Variants in EXT1 observed in about 807,000 individuals in gnomAD.
EXT1 encodes the protein exostosin glycosyltransferase 1.
Under a neutral mutation model 82.5 loss-of-function variants are expected in EXT1, and 20 were observed. That is an observed-to-expected ratio of 0.24 (90% CI 0.17 to 0.35). The LOEUF (loss-of-function observed/expected upper bound fraction) is 0.35, where lower values mean the gene tolerates loss of function less well. Ranked by LOEUF, EXT1 falls within the 10% of genes least tolerant of loss-of-function variation. The pLI is 1.00. For missense variants in EXT1, 757 were observed against 936.5 expected, an observed-to-expected ratio of 0.81 and a Z score of 2.50; for synonymous variants, 348 against 350.8, an observed-to-expected ratio of 0.99 and a Z score of 0.09.
At chr8:117,990,105 A>T (rs996055281) in intron 1 of EXT1, among the ~76,000 whole-genome samples, 9 of 152,120 alleles carry the variant, frequency 5.9e-5, no homozygotes, top group African/African-American at 2.2e-4. Context: ...CCCAGGAGGC[A>T]GAGGCTGTTA....
intron 1 of EXT1, among the ~76,000 whole-genome samples, chr8:117,865,171 C>A (rs1438034596): frequency 6.6e-6 from 1 of 152,034 alleles, no homozygotes; most frequent in African/African-American, 2.4e-5. Flanking sequence ...CAAATAAAAT[C>A]TTCTTTACTT....
intron 1 of EXT1, among the ~76,000 whole-genome samples, chr8:117,896,445 A>G (rs1245311205): frequency 1.3e-5 from 2 of 152,172 alleles, no homozygotes; most frequent in African/African-American, 4.8e-5. Context: ...GGGAGGAGGG[A>G]GTGTATATGG....
chr8:117,922,102 AGAG>A (rs1276494926), intron 1 of EXT1, among the ~76,000 whole-genome samples: 9 of 152,090 alleles, frequency 5.9e-5, no homozygotes, highest in African/African-American at 2.2e-4. Context: ...ACTTTGGTTC[AGAG>A]GTGGCCCCTT....
In EXT1 at chr8:118,088,871, A is replaced by G. The variant is rs1432074654; in HGVS notation, c.962+21214T>C. On this transcript the variant is annotated intron_variant, in intron 1 of 10. Coordinates refer to ENST00000378204, the MANE Select transcript of EXT1 (RefSeq NM_000127.3). ...GTGAAGTAATATGAAACAGCCTGAA[A>G]TTGTATCTGGCAGCCCGCTTTCCAC... Among the ~76,000 whole-genome samples the G allele has an allele frequency of 2.0e-5, 3 of 152,156 alleles. No homozygotes were observed. The East Asian group carries it at 5.8e-4, about 29-fold the overall frequency.
chr8:117,937,147 T>G (rs193071656), intron 1 of EXT1, among the ~76,000 whole-genome samples: 29 of 152,356 alleles, frequency 1.9e-4, no homozygotes, highest in Non-Finnish European at 4.0e-4. Context: ...TATGCTTGTT[T>G]GGCATATTTT....
intron 1 of EXT1, among the ~76,000 whole-genome samples, chr8:117,951,958 T>C (rs1341115894): frequency 2.6e-5 from 4 of 152,206 alleles, no homozygotes; most frequent in East Asian, 1.9e-4. Context: ...CATGGCAGAA[T>C]TGAAGAGTTG....
chr8:117,993,928 T>C (rs2129794131), intron 1 of EXT1, among the ~76,000 whole-genome samples: 1 of 152,322 alleles, frequency 6.6e-6, no homozygotes, highest in African/African-American at 2.4e-5. Context: ...GCATCCCCAA[T>C]GGCCAATGGC....
chr8:118,061,047 A>G (rs1056522844), intron 1 of EXT1, among the ~76,000 whole-genome samples: 11 of 152,194 alleles, frequency 7.2e-5, no homozygotes, highest in Admixed American at 2.0e-4. Context: ...AGAGACAAAA[A>G]ATTCCACAAA....
chr8:117,950,070 C>CAAACAAAA (rs1331161573), intron 1 of EXT1, among the ~76,000 whole-genome samples: 1 of 151,932 alleles, frequency 6.6e-6, no homozygotes, highest in Non-Finnish European at 1.5e-5. Flanking sequence ...ACTAAATAAA[C>CAAACAAAA]AAACAAAAAA....
At chr8:117,857,539 CAAA>C (rs60946277) in intron 1 of EXT1, among the ~76,000 whole-genome samples, 13 of 143,070 alleles carry the variant, frequency 9.1e-5, no homozygotes, top group East Asian at 2.0e-4. Flanking sequence ...TTCCCCCCGC[CAAA>C]AAAAAAAAAA....
At chr8:118,006,039 G>A (rs1815768571) in intron 1 of EXT1, among the ~76,000 whole-genome samples, 1 of 152,174 alleles carries the variant, frequency 6.6e-6, no homozygotes, top group Non-Finnish European at 1.5e-5. Flanking sequence ...TGAACTTGAG[G>A]TGTGGCCTTT....
chr8:117,874,961 T>C (rs1204319674), intron 1 of EXT1, among the ~76,000 whole-genome samples: 2 of 152,148 alleles, frequency 1.3e-5, no homozygotes, highest in Non-Finnish European at 2.9e-5. Flanking sequence ...GGTGCAAAAA[T>C]AAAAGATTTT....
At chr8:118,079,571 T>A (rs1442226592) in intron 1 of EXT1, among the ~76,000 whole-genome samples, 1 of 152,194 alleles carries the variant, frequency 6.6e-6, no homozygotes, top group Non-Finnish European at 1.5e-5. Context: ...AAGGATTTAT[T>A]CAGAGGGGTG....
intron 1 of EXT1, among the ~76,000 whole-genome samples, chr8:118,082,782 A>G (rs1817354584): frequency 6.6e-6 from 1 of 152,156 alleles, no homozygotes; most frequent in African/African-American, 2.4e-5. Context: ...GTTTTCTCAC[A>G]CGTCTTTCCT....
rs1815023683 is a variant in EXT1 at position 117,974,331 on chromosome 8, T to C, written c.962+135754A>G. On this transcript the variant is annotated intron_variant, in intron 1 of 10. Coordinates refer to ENST00000378204, the MANE Select transcript of EXT1 (RefSeq NM_000127.3). ...AGCTGTCCCAGGTTTCCCGACTCTC[T>C]GGGATCCCCCTCCTGCCTTCCCAAG... is the stretch of plus-strand genomic sequence containing the variant. Among the ~76,000 whole-genome samples, 4 of 152,182 alleles carry C rather than the reference T, an allele frequency of 2.6e-5. No homozygotes were observed. In the South Asian group the frequency reaches 8.3e-4, roughly 32 times the overall value.
At chr8:117,934,163 C>T (rs1414911087) in intron 1 of EXT1, among the ~76,000 whole-genome samples, 1 of 152,088 alleles carries the variant, frequency 6.6e-6, no homozygotes, top group Non-Finnish European at 1.5e-5. Flanking sequence ...CATTCCCCAC[C>T]CCACAGATAC....
At chr8:118,034,648 G>A (rs1192671535) in intron 1 of EXT1, among the ~76,000 whole-genome samples, 1 of 152,048 alleles carries the variant, frequency 6.6e-6, no homozygotes, top group Non-Finnish European at 1.5e-5. Flanking sequence ...GCATCTTGGA[G>A]TGGAGTAGCA....
chr8:117,800,831 T>C (rs770902161), intron 10 of EXT1, among the ~76,000 whole-genome samples: 9 of 152,246 alleles, frequency 5.9e-5, no homozygotes, highest in Non-Finnish European at 1.2e-4. Flanking sequence ...ATGCAAATGA[T>C]TGGCATTGAT....
intron 1 of EXT1, among the ~76,000 whole-genome samples, chr8:117,881,053 C>T (rs1217151651): frequency 6.6e-6 from 1 of 152,074 alleles, no homozygotes; most frequent in African/African-American, 2.4e-5. Flanking sequence ...ATAAAGCCAT[C>T]TAGTAGAAAT....
Sources: allele counts gnomAD v4.1 joint callset (sites outside exome capture counted in the v4.1 genomes callset), GRCh38; gene constraint gnomAD v4.1.1; transcripts MANE v1.5; gene names NCBI Gene and HGNC (gene_info 2026-07-23, HGNC 2026-07-21).